Variants in CMSS1 observed in about 807,000 individuals in gnomAD.
The protein encoded by CMSS1 is cms1 ribosomal small subunit homolog.
A neutral mutation model predicts 43.5 loss-of-function variants in CMSS1; 33 were observed. That is an observed-to-expected ratio of 0.76 (90% confidence interval 0.57 to 1.01). The LOEUF (loss-of-function observed/expected upper bound fraction) is 1.01. Among genes scored for constraint, CMSS1 ranks in the 50% least tolerant of loss-of-function variants. The pLI, the probability that CMSS1 is intolerant of heterozygous loss-of-function variation, is 0.00. For missense variants in CMSS1, 313 were observed against 326.4 expected (o/e 0.96, Z 0.32); for synonymous variants, 115 against 117.2 (o/e 0.98, Z 0.12).
intron 1 of CMSS1, among the ~76,000 whole-genome samples, chr3:99,885,078 TAG>T (rs1225857657): frequency 6.6e-6 from 1 of 152,236 alleles, no homozygotes; most frequent in South Asian, 2.1e-4. Flanking sequence ...CAGTCAACTA[TAG>T]GCTCAGTCAC....
intron 1 of CMSS1, among the ~76,000 whole-genome samples, chr3:100,125,204 TATC>T (rs2066653607): frequency 6.6e-6 from 1 of 152,192 alleles, no homozygotes; most frequent in Admixed American, 6.5e-5. Context: ...GTGGTTTTGT[TATC>T]ATGTTACTCT....
chr3:99,916,147 G>A (rs1706943272), intron 1 of CMSS1, among the ~76,000 whole-genome samples: 1 of 152,182 alleles, frequency 6.6e-6, no homozygotes, highest in African/African-American at 2.4e-5. Context: ...GCCTTCCCCA[G>A]TGTGAGTAGA....
chr3:99,986,138 A>G (rs752436446), intron 1 of CMSS1, among the ~76,000 whole-genome samples: 4 of 152,246 alleles, frequency 2.6e-5, no homozygotes, highest in Non-Finnish European at 5.9e-5. Context: ...TAGAAAATCT[A>G]AATTGTTTTT....
intron 1 of CMSS1, among the ~76,000 whole-genome samples, chr3:100,000,112 A>G: frequency 6.6e-6 from 1 of 152,198 alleles, no homozygotes; most frequent in South Asian, 2.1e-4. Context: ...GACTGGAAAC[A>G]CTGGCCTAGA....
chr3:100,094,674 CTTTTTTTTTTTT>C (rs71132509), intron 1 of CMSS1, among the ~76,000 whole-genome samples: 1 of 57,000 alleles, frequency 1.8e-5, no homozygotes, highest in African/African-American at 6.7e-5. Context: ...GAAAAGCTGC[CTTTTTTTTTTTT>C]TTTTTTTTTT....
At chr3:100,157,230 C>A (rs1019538927) in intron 2 of CMSS1, among the ~76,000 whole-genome samples, 2 of 152,014 alleles carry the variant, frequency 1.3e-5, no homozygotes, top group African/African-American at 4.8e-5. Context: ...TTCCACATTT[C>A]TTATTTGTTT....
At chr3:100,050,134 T>C (rs1018932061) in intron 1 of CMSS1, among the ~76,000 whole-genome samples, 1 of 152,192 alleles carries the variant, frequency 6.6e-6, no homozygotes, top group Non-Finnish European at 1.5e-5. Flanking sequence ...GGGGTAGTGT[T>C]CGGGGGCAAA....
intron 1 of CMSS1, among the ~76,000 whole-genome samples, chr3:99,990,305 C>T (rs990272056): frequency 2.0e-5 from 3 of 152,162 alleles, no homozygotes; most frequent in Non-Finnish European, 2.9e-5. Context: ...CCAGAAGCCA[C>T]AGATTGCCAA....
intron 1 of CMSS1, among the ~76,000 whole-genome samples, chr3:99,972,840 A>C (rs1412559275): frequency 6.6e-6 from 1 of 152,236 alleles, no homozygotes; most frequent in Non-Finnish European, 1.5e-5. Context: ...TGTCTGATGC[A>C]GGCCTTTGGC....
At position 100,051,197 on chromosome 3, in the gene CMSS1, C is replaced by T. The variant is rs1051939401; in HGVS notation, c.65-95776C>T. Reference sequence around the variant, plus strand: ...TCACAATTCTTCTCTGTGAGTCCAGCTTCTTATTTTTTCCGATATTCTGTT... The same window carrying T: ...TCACAATTCTTCTCTGTGAGTCCAGTTTCTTATTTTTTCCGATATTCTGTT... On this transcript the variant is annotated intron_variant, in intron 1 of 9. Transcript: ENST00000421999. 6 of 152,156 alleles carry T rather than the reference C, an allele frequency of 3.9e-5. No individual in the cohort carries two copies. The East Asian group carries it at 1.2e-3, about 29-fold the overall frequency. The allele number at this position is 152,156 out of a possible 1,614,324, so 9.4% of individuals were successfully genotyped here.
chr3:99,967,613 G>A (rs1400946776), intron 1 of CMSS1, among the ~76,000 whole-genome samples: 1 of 152,132 alleles, frequency 6.6e-6, no homozygotes. Context: ...GGTCTCTCAC[G>A]ACACATGCAG....
chr3:100,068,617 A>G (rs1253687747), intron 1 of CMSS1, among the ~76,000 whole-genome samples: 3 of 152,144 alleles, frequency 2.0e-5, no homozygotes, highest in South Asian at 2.1e-4. Flanking sequence ...AAATTCTGAA[A>G]CAATAGTTTT....
At chr3:99,917,965 G>T (rs1268840723) in intron 1 of CMSS1, among the ~76,000 whole-genome samples, 1 of 151,808 alleles carries the variant, frequency 6.6e-6, no homozygotes, top group African/African-American at 2.4e-5. Context: ...TTGTTTGTTT[G>T]TTTTTTGTTT....
At chr3:100,109,817 A>G (rs2066457154) in intron 1 of CMSS1, among the ~76,000 whole-genome samples, 4 of 152,018 alleles carry the variant, frequency 2.6e-5, no homozygotes. Context: ...GTTAGCTGCT[A>G]AAGTAGATTA....
chr3:99,929,930 C>G (rs933349817), intron 1 of CMSS1: 2 of 1,614,050 alleles, frequency 1.2e-6, no homozygotes, highest in Non-Finnish European at 1.7e-6. Context: ...CTCTGGAGAG[C>G]CTCTAACACC....
chr3:99,982,569 C>G (rs751937944), intron 1 of CMSS1, among the ~76,000 whole-genome samples: 1 of 152,098 alleles, frequency 6.6e-6, no homozygotes, highest in Non-Finnish European at 1.5e-5. Context: ...GTCTTTCACC[C>G]CTGGGCTCAA....
chr3:100,043,606 C>T (rs947050278), intron 1 of CMSS1, among the ~76,000 whole-genome samples: 6 of 152,130 alleles, frequency 3.9e-5, no homozygotes, highest in African/African-American at 1.4e-4. Flanking sequence ...TCAGTTAGGA[C>T]ATGGAGACTT....
intron 1 of CMSS1, chr3:100,023,591 A>AT (rs1389895914): frequency 3.3e-5 from 5 of 152,514 alleles, no homozygotes; most frequent in African/African-American, 1.2e-4. Flanking sequence ...TCTGGCTTTT[A>AT]TTTTTGCTTG....
At chr3:100,007,397 C>A (rs1354797624) in intron 1 of CMSS1, among the ~76,000 whole-genome samples, 1 of 152,072 alleles carries the variant, frequency 6.6e-6, no homozygotes, top group Non-Finnish European at 1.5e-5. Context: ...CTCGCTAATG[C>A]ATTTTGTGTG....
Sources: allele counts gnomAD v4.1 joint callset (sites outside exome capture counted in the v4.1 genomes callset), GRCh38; gene constraint gnomAD v4.1.1; transcripts MANE v1.5; gene names NCBI Gene and HGNC (gene_info 2026-07-23, HGNC 2026-07-21).